CDK8: variants seen among roughly 807,000 people sequenced by gnomAD.
CDK8 encodes the protein cyclin dependent kinase 8.
Under a neutral mutation model 71.5 loss-of-function variants are expected in CDK8, and 29 were observed. The observed-to-expected ratio is 0.41, with a 90% CI of 0.30 to 0.55. The LOEUF (loss-of-function observed/expected upper bound fraction) is 0.55, where lower values mean the gene tolerates loss of function less well. Among genes scored for constraint, CDK8 ranks in the 20% least tolerant of loss-of-function variants. The pLI is 0.37. For synonymous variants in CDK8, 161 were observed against 192.1 expected (o/e 0.84, Z 1.34); for missense variants, 288 against 572.6 (o/e 0.50, Z 5.07).
At chr13:26,316,653 G>C (rs1874525477) in intron 1 of CDK8, among the ~76,000 whole-genome samples, 1 of 152,074 alleles carries the variant, frequency 6.6e-6, no homozygotes, top group South Asian at 2.1e-4. Context: ...TGGTACAAAG[G>C]CAGTCTCTAG....
intron 1 of CDK8, among the ~76,000 whole-genome samples, chr13:26,329,481 TTG>T (rs1491319733): frequency 8.7e-6 from 1 of 115,416 alleles, no homozygotes. Context: ...TTTTTTTTTT[TTG>T]TTTTTTTTTT....
At chr13:26,367,836 A>G (rs1874463435) in intron 4 of CDK8, among the ~76,000 whole-genome samples, 1 of 152,222 alleles carries the variant, frequency 6.6e-6, no homozygotes, top group African/African-American at 2.4e-5. Flanking sequence ...AAATTCGAAT[A>G]AAGCACAATT....
chr13:26,332,590 C>T (rs1593269124), intron 1 of CDK8, among the ~76,000 whole-genome samples: 1 of 152,102 alleles, frequency 6.6e-6, no homozygotes, highest in South Asian at 2.1e-4. Flanking sequence ...TCTGATCGCT[C>T]TACCTAGGAC....
At chr13:26,350,606 AT>A (rs1421415080) in intron 3 of CDK8, among the ~76,000 whole-genome samples, 1 of 152,076 alleles carries the variant, frequency 6.6e-6, no homozygotes, top group Non-Finnish European at 1.5e-5. Context: ...TAATTTTTGT[AT>A]TTTTAGTAGA....
At chr13:26,266,768 T>G (rs4770964) in intron 1 of CDK8, among the ~76,000 whole-genome samples, 91,740 of 152,030 alleles carry the variant, frequency 0.6, 27,769 homozygotes, top group Middle Eastern at 0.65. Context: ...GCCATTCCTG[T>G]TTCTCTGCTG....
Position 26,400,461 on chromosome 13 carries a change from G to A in CDK8, c.942G>A (p.Lys314=). The A allele has an allele frequency of 6.2e-7, 1 of 1,607,368 alleles. No homozygotes were observed. Among genetic ancestry groups the A allele is most frequent in the Non-Finnish European group, 8.5e-7 (1 of 1,173,976 alleles). Residue 314 remains lysine (K), a synonymous_variant, in exon 10 of 13, where the codon AAG becomes AAA. Coordinates refer to ENST00000381527, the MANE Select transcript of CDK8 (RefSeq NM_001260.3). ...ATGATTTGTGATTTCAGCTTCAGAA[G>A]CTGCTTACCATGGACCCAATAAAGC... ...PDSKAFHLLQ[K]LLTMDPIKRI...
Position 26,362,993 on chromosome 13 carries a change from GTT to G in CDK8, c.456+9127_456+9128del, listed in dbSNP as rs59265120. On this transcript the variant is annotated intron_variant, in intron 4 of 12. Coordinates refer to ENST00000381527, the MANE Select transcript of CDK8 (RefSeq NM_001260.3). ...AGATATACTATAACTTTTCATTGTA[GTT>G]TTTTTTTTTTTTTAATTTTCAAGTT... 2.4e-3 allele frequency among the ~76,000 whole-genome samples: 340 copies of G among 143,168 alleles called. 1 individual carries two copies. Among genetic ancestry groups the G allele is most frequent in the African/African-American group, 4.7e-3 (182 of 38,932 alleles). 93.9% of individuals were successfully genotyped at this position (143,168 alleles called of 152,430 possible). A position where few individuals can be genotyped will look rare whatever the true frequency, so the allele number is the denominator to read the frequency against.
rs142310660 is a variant in CDK8 at position 26,342,037 on chromosome 13, C to A, written c.204+4395C>A. 8.7e-4 allele frequency among the ~76,000 whole-genome samples: 132 copies of A among 152,264 alleles called. 1 individual carries two copies. The highest frequency in any genetic ancestry group is 3.1e-3 in the African/African-American group (127 of 41,550). On this transcript the variant is annotated intron_variant, in intron 2 of 12. Transcript: ENST00000381527. ...CCGTGTTCAAGCGATTCTTCTGCCT[C>A]ACCCTCCCAAGTAGCTGGGACTACA... is the stretch of plus-strand genomic sequence containing the variant.
At chr13:26,367,051 C>T (rs1874423767) in intron 4 of CDK8, among the ~76,000 whole-genome samples, 1 of 152,112 alleles carries the variant, frequency 6.6e-6, no homozygotes, top group Non-Finnish European at 1.5e-5. Context: ...TTAGAGTAAA[C>T]TTGTTGTTAC....
chr13:26,368,660 T>A (rs1426008433), intron 4 of CDK8, among the ~76,000 whole-genome samples: 4 of 152,234 alleles, frequency 2.6e-5, no homozygotes, highest in Non-Finnish European at 2.9e-5. Flanking sequence ...GTGGCAAATA[T>A]AATAGAAGTG....
At chr13:26,363,539 T>G (rs74443598) in intron 4 of CDK8, among the ~76,000 whole-genome samples, 12,450 of 151,916 alleles carry the variant, frequency 0.082, 679 homozygotes, top group Middle Eastern at 0.13. Flanking sequence ...TTTGTTTGTT[T>G]TTGGTAGAGA....
intron 1 of CDK8, among the ~76,000 whole-genome samples, chr13:26,288,800 C>T (rs1225542854): frequency 6.6e-6 from 1 of 152,124 alleles, no homozygotes; most frequent in Non-Finnish European, 1.5e-5. Context: ...CACTCTGTCA[C>T]CCAGGCTGGA....
chr13:26,353,832 A>T lies in CDK8; in HGVS notation c.408A>T (p.Leu136=), dbSNP rs767986476. ...GMVKSLLYQI[L]DGIHYLHANW... is the part of the protein sequence containing the mutation. ...TGAAGTCACTATTATATCAGATCCT[A>T]GATGGTATTCACTACCTGCATGCTA... Residue 136 remains leucine (L), a synonymous_variant, in exon 4 of 13, where the codon CTA becomes CTT. Coordinates refer to ENST00000381527, the MANE Select transcript of CDK8 (RefSeq NM_001260.3). 21 of 1,613,184 alleles carry T rather than the reference A, an allele frequency of 1.3e-5. No individual in the cohort carries two copies. The highest frequency in any genetic ancestry group is 1.8e-5 in the Non-Finnish European group (21 of 1,179,370).
intron 1 of CDK8, among the ~76,000 whole-genome samples, chr13:26,283,177 C>T (rs1872838295): frequency 6.6e-6 from 1 of 152,234 alleles, no homozygotes; most frequent in African/African-American, 2.4e-5. Flanking sequence ...TGGACTTAAA[C>T]TATACCATAG....
intron 1 of CDK8, among the ~76,000 whole-genome samples, chr13:26,323,326 AGGGAGAGAGAGAGGGAGAGG>A (rs1874872752): frequency 2.2e-5 from 2 of 90,568 alleles, no homozygotes; most frequent in African/African-American, 9.2e-5. Flanking sequence ...AGAGAGAGAG[AGGGAGAGAGAGAGGGAGAGG>A]GAGAGGGAGA....
rs112212248 is a variant in CDK8, at chr13:26,339,594, GTT to G, written c.204+1965_204+1966del. ...TATAAATTTTTACATCAGCTAATTA[GTT>G]TTTTTTTTTTTTAAAAAGCTTGTTG... is the stretch of plus-strand genomic sequence containing the variant. On this transcript the variant is annotated intron_variant, in intron 2 of 12. Coordinates refer to ENST00000381527, the MANE Select transcript of CDK8 (RefSeq NM_001260.3). Among the ~76,000 whole-genome samples the G allele has an allele frequency of 7.5e-3, 1,049 of 140,196 alleles. 13 individuals are homozygous for G. Among genetic ancestry groups the G allele is most frequent in the African/African-American group, 0.026 (997 of 38,932 alleles). 92.0% of individuals were successfully genotyped at this position (140,196 alleles called of 152,430 possible). A position where few individuals can be genotyped will look rare whatever the true frequency, so the allele number is the denominator to read the frequency against.
intron 1 of CDK8, among the ~76,000 whole-genome samples, chr13:26,313,658 T>C (rs1874387417): frequency 6.6e-6 from 1 of 152,196 alleles, no homozygotes; most frequent in Non-Finnish European, 1.5e-5. Flanking sequence ...TGTATGTTAA[T>C]AGTATCACTT....
rs146470106 is a variant in CDK8, at chr13:26,390,883, C to T, written c.647-2484C>T. On this transcript the variant is annotated intron_variant, in intron 6 of 12. Coordinates refer to ENST00000381527, the MANE Select transcript of CDK8 (RefSeq NM_001260.3). ...GGTTAGCTCAGTAGCTACCTATAAG[C>T]ATCACACATTTTGAGAAGTAGATGA... 3.2e-3 allele frequency among the ~76,000 whole-genome samples: 492 copies of T among 151,986 alleles called. 2 individuals are homozygous for T. The highest frequency in any genetic ancestry group is 0.012 in the African/African-American group (477 of 41,428).
chr13:26,276,069 G>T (rs1328419874), intron 1 of CDK8, among the ~76,000 whole-genome samples: 1 of 151,706 alleles, frequency 6.6e-6, no homozygotes, highest in Non-Finnish European at 1.5e-5. Context: ...CACCATGTTG[G>T]CTAGGATGGT....
Sources: gnomAD v4.1 joint callset for allele counts (sites outside exome capture counted in the v4.1 genomes callset) on GRCh38, gnomAD v4.1.1 for gene constraint, MANE v1.5 for transcripts, NCBI Gene and HGNC (gene_info 2026-07-23, HGNC 2026-07-21) for gene names.